Variants in FGGY observed in about 807,000 individuals in gnomAD.
FGGY encodes FGGY carbohydrate kinase domain-containing protein.
FGGY carries 72 observed loss-of-function variants against 71.3 expected under a neutral mutation model. That is an observed-to-expected ratio of 1.01 (90% CI 0.84 to 1.23). FGGY has a LOEUF of 1.23. FGGY is among the 50% of genes most tolerant of loss of function. The pLI, the probability that FGGY is intolerant of heterozygous loss-of-function variation, is 0.00. For synonymous variants in FGGY, 251 were observed against 250.3 expected (o/e 1.00, Z -0.02); for missense variants, 668 against 682.3 (o/e 0.98, Z 0.23).
chr1:59,667,616 T>C (rs1447728467), intron 13 of FGGY, among the ~76,000 whole-genome samples: 3 of 152,168 alleles, frequency 2.0e-5, no homozygotes, highest in Admixed American at 6.5e-5. Flanking sequence ...TATCCAACCA[T>C]TGAATAATGG....
At chr1:59,415,485 G>T (rs990428908) in intron 5 of FGGY, among the ~76,000 whole-genome samples, 1 of 152,234 alleles carries the variant, frequency 6.6e-6, no homozygotes, top group Admixed American at 6.5e-5. Context: ...ACTGAGGTAT[G>T]TGAATTCACA....
At chr1:59,534,155 A>C (rs2095246824) in intron 7 of FGGY, among the ~76,000 whole-genome samples, 2 of 152,210 alleles carry the variant, frequency 1.3e-5, no homozygotes, top group Non-Finnish European at 2.9e-5. Flanking sequence ...TGGAGCTGAA[A>C]ACCAAGGCTC....
intron 6 of FGGY, among the ~76,000 whole-genome samples, chr1:59,469,645 G>T (rs141600061): frequency 1.6e-4 from 25 of 151,946 alleles, no homozygotes; most frequent in African/African-American, 5.8e-4. Context: ...TTGTTACATA[G>T]GTAAACTTGT....
intron 10 of FGGY, among the ~76,000 whole-genome samples, chr1:59,634,146 C>G (rs1323811457): frequency 6.6e-6 from 1 of 152,144 alleles, no homozygotes; most frequent in Non-Finnish European, 1.5e-5. Context: ...GTGGCTCACA[C>G]CTATAATCCC....
chr1:59,337,745 G>A (rs1436024048), intron 2 of FGGY, among the ~76,000 whole-genome samples: 4 of 152,006 alleles, frequency 2.6e-5, no homozygotes, highest in Admixed American at 6.6e-5. Flanking sequence ...ATTAGTTCTA[G>A]TAATTTTTTT....
intron 13 of FGGY, among the ~76,000 whole-genome samples, chr1:59,673,149 G>A (rs1237980981): frequency 6.6e-6 from 1 of 152,186 alleles, no homozygotes; most frequent in Non-Finnish European, 1.5e-5. Context: ...GTTTTTGGAG[G>A]GGAGACAGAC....
chr1:59,498,548 T>G (rs1186725480), intron 6 of FGGY, among the ~76,000 whole-genome samples: 1 of 152,106 alleles, frequency 6.6e-6, no homozygotes, highest in Non-Finnish European at 1.5e-5. Context: ...TACCTTGGTG[T>G]GCGTCAAAAT....
At chr1:59,716,019 A>G (rs1431087017) in intron 14 of FGGY, among the ~76,000 whole-genome samples, 2 of 152,226 alleles carry the variant, frequency 1.3e-5, no homozygotes, top group Non-Finnish European at 1.5e-5. Flanking sequence ...CTGGCCCTTC[A>G]TAGAAAAAAG....
intron 6 of FGGY, among the ~76,000 whole-genome samples, chr1:59,467,320 G>C (rs1160420032): frequency 6.6e-6 from 1 of 152,062 alleles, no homozygotes; most frequent in African/African-American, 2.4e-5. Flanking sequence ...TTGGACACAG[G>C]GTGGGGAATA....
chr1:59,723,546 A>AT (rs2100703608), intron 14 of FGGY, among the ~76,000 whole-genome samples: 1 of 51,674 alleles, frequency 1.9e-5, no homozygotes, highest in Admixed American at 2.0e-4. Context: ...TTTTCTTGGC[A>AT]TTTTCTTGTT....
chr1:59,708,434 C>G (rs528465144), intron 14 of FGGY, among the ~76,000 whole-genome samples: 1 of 152,260 alleles, frequency 6.6e-6, no homozygotes, highest in East Asian at 1.9e-4. Flanking sequence ...CAGGGGAATA[C>G]CAGGCTCGGC....
chr1:59,536,659 T>G (rs564774725), intron 7 of FGGY, among the ~76,000 whole-genome samples: 5 of 152,280 alleles, frequency 3.3e-5, no homozygotes, highest in African/African-American at 1.2e-4. Context: ...TCCACCATGA[T>G]CAAGTGGGCT....
At chr1:59,739,719 A>G (rs1251376931) in intron 14 of FGGY, among the ~76,000 whole-genome samples, 5 of 151,870 alleles carry the variant, frequency 3.3e-5, no homozygotes, top group Non-Finnish European at 2.9e-5. Context: ...CTCTTTTTCT[A>G]CATGGTCAAT....
intron 12 of FGGY, among the ~76,000 whole-genome samples, chr1:59,662,650 A>G (rs1360961473): frequency 6.6e-6 from 1 of 152,176 alleles, no homozygotes; most frequent in Non-Finnish European, 1.5e-5. Context: ...CTATGTTTAG[A>G]TATGTTCAGA....
intron 14 of FGGY, among the ~76,000 whole-genome samples, chr1:59,729,900 C>G (rs1312223310): frequency 6.6e-6 from 1 of 152,098 alleles, no homozygotes; most frequent in Non-Finnish European, 1.5e-5. Context: ...GTCTCTTCCT[C>G]TTAAAAGGTC....
At chr1:59,565,810 C>CT (rs1479525235) in intron 8 of FGGY, among the ~76,000 whole-genome samples, 1 of 152,154 alleles carries the variant, frequency 6.6e-6, no homozygotes, top group Non-Finnish European at 1.5e-5. Flanking sequence ...TTCATTTTCC[C>CT]TTTTTCCCAG....
intron 14 of FGGY, among the ~76,000 whole-genome samples, chr1:59,678,854 T>C: frequency 6.6e-6 from 1 of 152,222 alleles, no homozygotes; most frequent in East Asian, 1.9e-4. Flanking sequence ...AGCAGTCATT[T>C]TAAGGGGAGT....
intron 10 of FGGY, among the ~76,000 whole-genome samples, chr1:59,631,278 C>G (rs2096906212): frequency 6.6e-6 from 1 of 152,204 alleles, no homozygotes; most frequent in Non-Finnish European, 1.5e-5. Context: ...CCTCTTCTCT[C>G]TTTGCCATCT....
At chr1:59,481,874 C>T (rs2093483942) in intron 6 of FGGY, among the ~76,000 whole-genome samples, 1 of 152,112 alleles carries the variant, frequency 6.6e-6, no homozygotes, top group African/African-American at 2.4e-5. Flanking sequence ...CATGTTTACC[C>T]ATGGGAATGT....
Sources: allele counts gnomAD v4.1 joint callset (sites outside exome capture counted in the v4.1 genomes callset), GRCh38; gene constraint gnomAD v4.1.1; transcripts MANE v1.5; gene names NCBI Gene and HGNC (gene_info 2026-07-23, HGNC 2026-07-21).